The following CHD7 variants were observed in gnomAD, a reference collection of about 807,000 sequenced individuals.
The protein encoded by CHD7 is ATP-dependent chromatin remodeler CHD7.
Under a neutral mutation model 307.3 loss-of-function variants are expected in CHD7, and 24 were observed. That is an observed-to-expected ratio of 0.08 (90% CI 0.06 to 0.11). CHD7 has a LOEUF of 0.11. Among genes scored for constraint, CHD7 ranks in the 10% least tolerant of loss-of-function variants. CHD7 has a pLI of 1.00. For synonymous variants in CHD7, 1,363 were observed against 1,349.9 expected, an observed-to-expected ratio of 1.01 and a Z score of -0.21; for missense variants, 3,106 against 3,727.1, an observed-to-expected ratio of 0.83 and a Z score of 4.34.
At chr8:60,680,133 TG>T (rs946669076) in intron 1 of CHD7, among the ~76,000 whole-genome samples, 42 of 150,448 alleles carry the variant, frequency 2.8e-4, no homozygotes, top group Non-Finnish European at 5.5e-4. Context: ...TCAGCGCCGG[TG>T]GGGGGTGGTC....
Position 60,696,923 on chromosome 8 carries a change from A to G in CHD7, c.-175+17841A>G, listed in dbSNP as rs149187666. Among the ~76,000 whole-genome samples, 7 of 151,310 alleles carry G rather than the reference A, an allele frequency of 4.6e-5. No individual in the cohort carries two copies. In the East Asian group the frequency reaches 1.2e-3, roughly 25 times the overall value. ...AAGAAATTTTGTTTTACAGTAAGTT[A>G]CGTTTAATTGGAACCTCCCCCACTT... On this transcript the variant is annotated intron_variant, in intron 1 of 37. Coordinates refer to ENST00000423902, the MANE Select transcript of CHD7 (RefSeq NM_017780.4).
intron 1 of CHD7, among the ~76,000 whole-genome samples, chr8:60,721,894 C>T (rs1807927937): frequency 6.6e-6 from 1 of 152,170 alleles, no homozygotes; most frequent in Non-Finnish European, 1.5e-5. Flanking sequence ...CTGCTTATTT[C>T]ATGGGATTAT....
chr8:60,714,793 C>T (rs1807500154), intron 1 of CHD7, among the ~76,000 whole-genome samples: 1 of 152,226 alleles, frequency 6.6e-6, no homozygotes, highest in Admixed American at 6.5e-5. Context: ...GCCTGTTTTG[C>T]CTTCGTAGCC....
chr8:60,714,141 G>C (rs1018020169), intron 1 of CHD7, among the ~76,000 whole-genome samples: 3 of 151,838 alleles, frequency 2.0e-5, no homozygotes, highest in Non-Finnish European at 2.9e-5. Flanking sequence ...TCAGCGCCCG[G>C]AGCCCGCGCG....
At chr8:60,784,462 T>C (rs1811400044) in intron 3 of CHD7, among the ~76,000 whole-genome samples, 1 of 152,220 alleles carries the variant, frequency 6.6e-6, no homozygotes, top group South Asian at 2.1e-4. Context: ...CAAACAAGTG[T>C]GCTGTTCTTT....
chr8:60,795,083 C>G lies in CHD7; in HGVS notation c.2194C>G (p.Pro732Ala), dbSNP rs200277422. 215 of 1,613,558 alleles carry G rather than the reference C, an allele frequency of 1.3e-4. No homozygotes were observed. Among genetic ancestry groups the G allele is most frequent in the Non-Finnish European group, 1.7e-4 (198 of 1,179,716 alleles). ...AAATTCAGACTTAGACAAAACACCC[C>G]CACCATCTCCTCCTCCTGAAGAAGA... Reference protein sequence around the residue: ...SENSDLDKTPPPSPPPEEDED... With the variant: ...SENSDLDKTPAPSPPPEEDED... Residue 732 changes from proline to alanine, a missense_variant, in exon 4 of 38, where the codon CCA becomes GCA. This residue lies in a region of CHD7 where 998 missense variants were observed against 1,004.5 expected (regional missense o/e 0.99). Coordinates refer to ENST00000423902, the MANE Select transcript of CHD7 (RefSeq NM_017780.4).
chr8:60,709,689 C>CA (rs34655528), intron 1 of CHD7, among the ~76,000 whole-genome samples: 1 of 151,916 alleles, frequency 6.6e-6, no homozygotes, highest in Non-Finnish European at 1.5e-5. Flanking sequence ...ATTCATATCT[C>CA]AAAAAAGGGA....
intron 3 of CHD7, among the ~76,000 whole-genome samples, chr8:60,786,153 A>G (rs144022715): frequency 1.8e-3 from 281 of 152,350 alleles, no homozygotes; most frequent in Admixed American, 3.2e-3. Flanking sequence ...AGCATCTTTT[A>G]AATCCCGAAT....
intron 15 of CHD7, among the ~76,000 whole-genome samples, chr8:60,833,186 A>C (rs1290291781): frequency 6.6e-6 from 1 of 152,264 alleles, no homozygotes; most frequent in East Asian, 1.9e-4. Flanking sequence ...GTTGTGGCAG[A>C]GTAAAGAAGC....
At chr8:60,716,468 C>T (rs563051455) in intron 1 of CHD7, among the ~76,000 whole-genome samples, 8 of 152,336 alleles carry the variant, frequency 5.3e-5, no homozygotes, top group African/African-American at 7.2e-5. Context: ...TCTCAGTCTT[C>T]CACAGTTGCT....
At chr8:60,698,961 A>G (rs1563525108) in intron 1 of CHD7, among the ~76,000 whole-genome samples, 1 of 152,058 alleles carries the variant, frequency 6.6e-6, no homozygotes, top group Non-Finnish European at 1.5e-5. Context: ...TAGTTTGTAT[A>G]TTTGGAGAGA....
At position 60,836,823 on chromosome 8, in the gene CHD7, A is replaced by G; in HGVS notation, c.3996A>G (p.Pro1332=). ...LEDYLIQRRY[P]YERIDGRVRG... ...TCACACTGATGTTTTCTAGGTACCC[A>G]TATGAAAGGATCGACGGCCGAGTAA... The change falls in exon 17 of 38, where the codon CCA becomes CCG. Residue 1332 remains proline (P), a synonymous_variant. Coordinates refer to ENST00000423902, the MANE Select transcript of CHD7 (RefSeq NM_017780.4). 2 of 1,613,702 alleles carry G rather than the reference A, an allele frequency of 1.2e-6. No individual in the cohort carries two copies. Among genetic ancestry groups the G allele is most frequent in the Non-Finnish European group, 1.7e-6 (2 of 1,179,664 alleles).
intron 32 of CHD7, 132 bp downstream of exon 32, chr8:60,854,655 T>C: frequency 1.4e-6 from 1 of 706,568 alleles, no homozygotes; most frequent in South Asian, 4.4e-5. Flanking sequence ...TAGATTTTTC[T>C]TATACTTTTA....
Position 60,848,035 on chromosome 8 carries a change from A to T in CHD7, c.5211-480A>T, listed in dbSNP as rs76934555. Among the ~76,000 whole-genome samples, 1,159 of 152,314 alleles carry T rather than the reference A, an allele frequency of 7.6e-3. 19 individuals are homozygous for T. Among genetic ancestry groups the T allele is most frequent in the African/African-American group, 0.026 (1,078 of 41,546 alleles). ...CATTCCATATTGAGGGTTTATTGTAAGGTAGTAAAACCAGATTTTATATCT... is the reference window on the plus strand; with the variant it reads ...CATTCCATATTGAGGGTTTATTGTATGGTAGTAAAACCAGATTTTATATCT... On this transcript the variant is annotated intron_variant, in intron 23 of 37. Transcript: ENST00000423902.
At chr8:60,695,417 GTAT>G (rs1407237440) in intron 1 of CHD7, among the ~76,000 whole-genome samples, 3 of 152,190 alleles carry the variant, frequency 2.0e-5, no homozygotes, top group Non-Finnish European at 4.4e-5. Flanking sequence ...TTTGATATTA[GTAT>G]TATACTTTCA....
Position 60,856,689 on chromosome 8 carries a change from T to G in CHD7, c.7409T>G (p.Val2470Gly). ...TCTTCAAAGTTTATCTTGCCTAATGTCTCAACACCAGTGTCTGATGCCTTT... is the reference window on the plus strand; with the variant it reads ...TCTTCAAAGTTTATCTTGCCTAATGGCTCAACACCAGTGTCTGATGCCTTT... Reference protein sequence around the residue: ...SLSSKFILPNVSTPVSDAFKT... With the variant: ...SLSSKFILPNGSTPVSDAFKT... Residue 2470 changes from valine (V) to glycine (G), a missense_variant, in exon 34 of 38, where the codon GTC becomes GGC. Around this residue, in one of 10 missense-constraint regions of CHD7, gnomAD observed 1,030 missense variants for 1,165.4 expected, o/e 0.88. Coordinates refer to ENST00000423902, the MANE Select transcript of CHD7 (RefSeq NM_017780.4). 1 of 1,614,046 alleles carries G rather than the reference T, an allele frequency of 6.2e-7. No individual in the cohort carries two copies.
chr8:60,745,533 T>C (rs1809279710), intron 2 of CHD7, among the ~76,000 whole-genome samples: 1 of 152,144 alleles, frequency 6.6e-6, no homozygotes, highest in Admixed American at 6.5e-5. Context: ...AATGTGTCAT[T>C]ATAGGCAAAC....
chr8:60,841,516 A>T, intron 19 of CHD7, 128 bp from the exon 20 acceptor site: 1 of 718,768 alleles, frequency 1.4e-6, no homozygotes, highest in Non-Finnish European at 2.4e-6. Flanking sequence ...TTCTAGTCCC[A>T]TCTACTGTAG....
intron 1 of CHD7, among the ~76,000 whole-genome samples, chr8:60,739,169 G>A (rs1331756667): frequency 6.6e-6 from 1 of 152,180 alleles, no homozygotes; most frequent in Non-Finnish European, 1.5e-5. Context: ...GCCCCATCGA[G>A]TCAGTAGCAT....
Sources: gnomAD v4.1 joint callset for allele counts (sites outside exome capture counted in the v4.1 genomes callset) on GRCh38, gnomAD v4.1.1 for gene constraint, gnomAD v4.1.1 regional missense constraint, MANE v1.5 for transcripts, NCBI Gene and HGNC (gene_info 2026-07-23, HGNC 2026-07-21) for gene names.